Variants in DLG2 observed in about 807,000 individuals in gnomAD.
The protein encoded by DLG2 is discs large MAGUK scaffold protein 2, also known as disks large homolog 2.
Under a neutral mutation model 132.5 loss-of-function variants are expected in DLG2, and 45 were observed. The observed-to-expected ratio is 0.34, with a 90% CI of 0.27 to 0.44. The LOEUF is 0.44. Among genes scored for constraint, DLG2 ranks in the 20% least tolerant of loss-of-function variants. DLG2 has a pLI of 1.00. For missense variants in DLG2, 1,045 were observed against 1,196.9 expected, an observed-to-expected ratio of 0.87 and a Z score of 1.87; for synonymous variants, 424 against 419.6, an observed-to-expected ratio of 1.01 and a Z score of -0.13.
At chr11:84,819,394 TGAGAA>T (rs970867608) in intron 6 of DLG2, among the ~76,000 whole-genome samples, 2 of 151,924 alleles carry the variant, frequency 1.3e-5, no homozygotes, top group East Asian at 1.9e-4. Context: ...TCAGTGACAC[TGAGAA>T]GAGAAAAGCC....
chr11:85,487,728 G>C (rs966587844), intron 3 of DLG2, among the ~76,000 whole-genome samples: 2 of 152,114 alleles, frequency 1.3e-5, no homozygotes, highest in African/African-American at 2.4e-5. Flanking sequence ...AGGGTGAAGA[G>C]AGATCAAAAG....
intron 4 of DLG2, among the ~76,000 whole-genome samples, chr11:85,162,838 G>A (rs972723210): frequency 6.6e-6 from 1 of 152,168 alleles, no homozygotes; most frequent in Non-Finnish European, 1.5e-5. Flanking sequence ...TTAATACTGA[G>A]TGTCAACTTA....
intron 7 of DLG2, among the ~76,000 whole-genome samples, chr11:84,358,363 ATTTTTTTTTTTTT>A (rs770602681): frequency 1.4e-4 from 17 of 121,482 alleles, no homozygotes; most frequent in Non-Finnish European, 7.0e-5. Flanking sequence ...AAGTCCCAGT[ATTTTTTTTTTTTT>A]TTTTTTTTAG....
intron 7 of DLG2, among the ~76,000 whole-genome samples, chr11:84,314,934 G>A (rs190914832): frequency 6.8e-4 from 104 of 152,240 alleles, no homozygotes; most frequent in Non-Finnish European, 1.4e-3. Context: ...AAGGGTGGAA[G>A]GTTCTGGTAA....
At chr11:84,021,791 C>G (rs980460110) in intron 11 of DLG2, among the ~76,000 whole-genome samples, 1 of 149,216 alleles carries the variant, frequency 6.7e-6, no homozygotes, top group Middle Eastern at 3.5e-3. Flanking sequence ...GAGTTTCGCT[C>G]TTGTTGCCCA....
chr11:84,784,642 T>G (rs1248857581), intron 6 of DLG2, among the ~76,000 whole-genome samples: 9 of 152,078 alleles, frequency 5.9e-5, no homozygotes, highest in Admixed American at 6.6e-5. Flanking sequence ...GACTCTTGCT[T>G]TTAAAAATAA....
intron 16 of DLG2, among the ~76,000 whole-genome samples, chr11:83,856,809 T>C (rs2060601141): frequency 6.6e-6 from 1 of 152,250 alleles, no homozygotes; most frequent in Non-Finnish European, 1.5e-5. Flanking sequence ...TCTTTTGCTG[T>C]ACAGAAGCTC....
chr11:83,941,378 A>T (rs1488438274), intron 14 of DLG2, among the ~76,000 whole-genome samples: 1 of 147,394 alleles, frequency 6.8e-6, no homozygotes, highest in African/African-American at 2.4e-5. Flanking sequence ...ATTTGTTTTT[A>T]AAATTTATTT....
chr11:84,816,429 G>A (rs893904284), intron 6 of DLG2, among the ~76,000 whole-genome samples: 5 of 151,612 alleles, frequency 3.3e-5, no homozygotes, highest in East Asian at 3.9e-4. Flanking sequence ...TCTTAAGGCC[G>A]TTTGAAATCT....
At chr11:85,010,988 T>C (rs1244262067) in intron 6 of DLG2, among the ~76,000 whole-genome samples, 2 of 152,150 alleles carry the variant, frequency 1.3e-5, no homozygotes, top group African/African-American at 4.8e-5. Context: ...CTGCTGGCAT[T>C]TCAGACAAGA....
chr11:83,638,142 A>G (rs56194031), intron 18 of DLG2, among the ~76,000 whole-genome samples: 7,632 of 152,202 alleles, frequency 0.05, 670 homozygotes, highest in African/African-American at 0.17. Context: ...CATTACCCCC[A>G]GCTAGTTCTT....
intron 19 of DLG2, among the ~76,000 whole-genome samples, chr11:83,587,884 G>A (rs1565931039): frequency 6.6e-6 from 1 of 152,114 alleles, no homozygotes; most frequent in Admixed American, 6.5e-5. Flanking sequence ...GGTGACGGAC[G>A]GCACCTGGAA....
At chr11:85,404,672 CA>C (rs1328603017) in intron 3 of DLG2, among the ~76,000 whole-genome samples, 2 of 151,860 alleles carry the variant, frequency 1.3e-5, no homozygotes, top group African/African-American at 4.8e-5. Flanking sequence ...AAGAGATTAT[CA>C]AAAAACAGTA....
intron 6 of DLG2, among the ~76,000 whole-genome samples, chr11:84,705,328 A>G (rs2059673699): frequency 6.6e-6 from 1 of 151,694 alleles, no homozygotes; most frequent in Non-Finnish European, 1.5e-5. Flanking sequence ...CCAGAGCAAC[A>G]TGGCTGACAG....
chr11:84,959,215 C>A lies in DLG2; in HGVS notation c.357+152446G>T, dbSNP rs117409666. ...TTTCCATGGGCTTGGAGGCTTCACA[C>A]GGAATCTTAATGGTGATTGCTTTTG... On this transcript the variant is annotated intron_variant, in intron 6 of 27. Coordinates refer to ENST00000376104, the MANE Select transcript of DLG2 (RefSeq NM_001142699.3). Among the ~76,000 whole-genome samples the A allele has an allele frequency of 4.6e-4, 70 of 152,264 alleles. 1 individual carries two copies. In the East Asian group the frequency reaches 0.011, roughly 25 times the overall value.
chr11:84,061,811 G>A (rs1350929779), intron 10 of DLG2, among the ~76,000 whole-genome samples: 1 of 149,284 alleles, frequency 6.7e-6, no homozygotes, highest in East Asian at 2.0e-4. Flanking sequence ...CAGATGCTAT[G>A]GCTTTAATAG....
intron 16 of DLG2, among the ~76,000 whole-genome samples, chr11:83,845,149 G>A (rs2058372755): frequency 6.6e-6 from 1 of 152,110 alleles, no homozygotes. Flanking sequence ...CATATGGGAA[G>A]TCTACAGCTA....
At chr11:83,566,563 T>C (rs1307676171) in intron 19 of DLG2, among the ~76,000 whole-genome samples, 1 of 151,944 alleles carries the variant, frequency 6.6e-6, no homozygotes, top group Non-Finnish European at 1.5e-5. Flanking sequence ...CCTGTAAAGA[T>C]TTAAATACAC....
intron 15 of DLG2, among the ~76,000 whole-genome samples, chr11:83,924,641 T>G (rs2078615588): frequency 6.6e-6 from 1 of 152,140 alleles, no homozygotes. Flanking sequence ...GGAAACAGTC[T>G]TTTATAACAG....
Sources: allele counts gnomAD v4.1 joint callset (sites outside exome capture counted in the v4.1 genomes callset), GRCh38; gene constraint gnomAD v4.1.1; transcripts MANE v1.5; gene names NCBI Gene and HGNC (gene_info 2026-07-23, HGNC 2026-07-21).